Variants in ZWILCH observed in about 807,000 individuals in gnomAD.
ZWILCH encodes the protein protein zwilch homolog.
ZWILCH carries 74 observed loss-of-function variants against 79.9 expected under a neutral mutation model. The observed-to-expected ratio is 0.93, with a 90% CI of 0.77 to 1.12. The LOEUF (loss-of-function observed/expected upper bound fraction) is 1.12. Among genes scored for constraint, ZWILCH ranks in the 50% most tolerant of loss-of-function variants. The pLI, the probability that ZWILCH is intolerant of heterozygous loss-of-function variation, is 0.00. For synonymous variants in ZWILCH, 241 were observed against 228.2 expected, an observed-to-expected ratio of 1.06 and a Z score of -0.51; for missense variants, 694 against 687.5, an observed-to-expected ratio of 1.01 and a Z score of -0.11.
intron 9 of ZWILCH, among the ~76,000 whole-genome samples, 192 bp from the exon 10 acceptor site, chr15:66,527,665 C>A (rs1420526196): frequency 6.6e-6 from 1 of 152,172 alleles, no homozygotes; most frequent in East Asian, 1.9e-4. Flanking sequence ...AGGGGCTTTT[C>A]TGTTACCTCC....
chr15:66,544,724 T>TTGTGTGTGTGTGTGTGTGTGTGTG lies in ZWILCH; in HGVS notation c.1688-1855_1688-1832dup, dbSNP rs1555426547. Among the ~76,000 whole-genome samples the TTGTGTGTGTGTGTGTGTGTGTGTG allele has an allele frequency of 1.4e-3, 184 of 128,536 alleles. 3 individuals carry two copies. The highest frequency in any genetic ancestry group is 3.7e-3 in the African/African-American group (121 of 32,552). The allele number at this position is 128,536 out of a possible 152,430, so 84.3% of individuals were successfully genotyped here. On this transcript the variant is annotated intron_variant, in intron 17 of 18. Coordinates refer to ENST00000307897, the MANE Select transcript of ZWILCH (RefSeq NM_017975.5). The stretch of plus-strand genomic sequence containing the variant: ...TGTTTTTTTGTTGTTTTTTTGGTTT[T>TTGTGTGTGTGTGTGTGTGTGTGTG]TGTGTGTGTGTGTGTGTGTGTGTGT...
At chr15:66,543,911 T>C (rs1895270449) in intron 17 of ZWILCH, among the ~76,000 whole-genome samples, 1 of 152,230 alleles carries the variant, frequency 6.6e-6, no homozygotes, top group Admixed American at 6.5e-5. Flanking sequence ...TCTGTCTACA[T>C]CTATTGTTTT....
Position 66,548,559 on chromosome 15 carries a change from G to C in ZWILCH, c.*235G>C. On this transcript the variant is annotated 3_prime_UTR_variant, in exon 19 of 19. Coordinates refer to ENST00000307897, the MANE Select transcript of ZWILCH (RefSeq NM_017975.5). ...TGAGGACACAGAGGGAGCAGACAGTGGGTACCACGATCTCCGTAACCATTT... is the reference window on the plus strand; with the variant it reads ...TGAGGACACAGAGGGAGCAGACAGTCGGTACCACGATCTCCGTAACCATTT... 6.2e-7 allele frequency: 1 copy of C among 1,613,470 alleles called. No homozygotes were observed. Among genetic ancestry groups the C allele is most frequent in the Non-Finnish European group, 8.5e-7 (1 of 1,179,446 alleles).
intron 1 of ZWILCH, among the ~76,000 whole-genome samples, chr15:66,508,371 ACAGATGCTTC>A (rs1483479714): frequency 1.3e-5 from 2 of 152,240 alleles, no homozygotes. Flanking sequence ...AAAATGGAGG[ACAGATGCTTC>A]CATTTTAGCC....
intron 4 of ZWILCH, 66 bp from the exon 5 acceptor site, chr15:66,518,813 A>C: frequency 1.4e-6 from 2 of 1,472,014 alleles, no homozygotes; most frequent in Non-Finnish European, 1.9e-6. Context: ...CCTGTCTCTC[A>C]GAAATTAAAG....
chr15:66,524,846 A>G (rs983605762), intron 8 of ZWILCH, among the ~76,000 whole-genome samples: 9 of 152,024 alleles, frequency 5.9e-5, no homozygotes, highest in African/African-American at 1.9e-4. Flanking sequence ...CCCCTCTTTT[A>G]GGACCCTTAC....
chr15:66,526,707 C>G (rs1051750817), intron 8 of ZWILCH, among the ~76,000 whole-genome samples: 4 of 152,086 alleles, frequency 2.6e-5, no homozygotes, highest in African/African-American at 9.7e-5. Context: ...CATGATCCAC[C>G]CATCTCGGCC....
chr15:66,543,212 A>G (rs374238107), intron 17 of ZWILCH, among the ~76,000 whole-genome samples: 7 of 152,304 alleles, frequency 4.6e-5, no homozygotes, highest in Admixed American at 2.0e-4. Flanking sequence ...AAATAAATAA[A>G]TAAATAAATA....
chr15:66,514,889 G>A (rs766949392), intron 3 of ZWILCH, among the ~76,000 whole-genome samples: 7 of 152,142 alleles, frequency 4.6e-5, no homozygotes, highest in Non-Finnish European at 1.0e-4. Flanking sequence ...ATCCAAGAAC[G>A]TCTGGGTTTC....
chr15:66,540,573 T>C (rs1895161770), intron 17 of ZWILCH, among the ~76,000 whole-genome samples: 1 of 149,528 alleles, frequency 6.7e-6, no homozygotes. Context: ...AAAAAGAAAA[T>C]AAACTAAATC....
chr15:66,544,333 GTTAT>G (rs1314883190), intron 17 of ZWILCH, among the ~76,000 whole-genome samples: 1 of 152,066 alleles, frequency 6.6e-6, no homozygotes, highest in Non-Finnish European at 1.5e-5. Flanking sequence ...AAAAGAAAAT[GTTAT>G]TTATTTATTT....
Position 66,521,178 on chromosome 15 carries a change from C to T in ZWILCH, c.720C>T (p.Ile240=). The part of the protein sequence containing the change: ...SWSPVDEILQ[I]PPLSSTATLN... ...GTCCTGTGGATGAGATTCTTCAAAT[C>T]CCTCCACTCTCTTCAACTGCAACTC... is the stretch of plus-strand genomic sequence containing the variant. The change falls in exon 7 of 19, where the codon ATC becomes ATT. Residue 240 remains isoleucine, a synonymous_variant. Transcript: ENST00000307897. 1 of 1,612,956 alleles carries T rather than the reference C, an allele frequency of 6.2e-7. No homozygotes were observed. Among genetic ancestry groups the T allele is most frequent in the South Asian group, 1.1e-5 (1 of 91,080 alleles).
At position 66,537,271 on chromosome 15, in the gene ZWILCH, A is replaced by G. The variant is rs199821161; in HGVS notation, c.1574+8A>G. The G allele has an allele frequency of 2.2e-5, 36 of 1,608,026 alleles. No homozygotes were observed. In the Admixed American group the frequency reaches 3.8e-4, roughly 17 times the overall value. On this transcript the variant is annotated splice_region_variant and intron_variant, in intron 16 of 18. Transcript: ENST00000307897. The stretch of plus-strand genomic sequence containing the variant: ...AAAGAACTTATATCAAAGGTAAGCA[A>G]TTTTTGCTAGGCATGGTGGCTCATG...
chr15:66,517,430 G>GTGTGTATATATA lies in ZWILCH; in HGVS notation c.321-1448_321-1447insGTGTATATATAT. ...TGTTTGTGTGTGCGTGTGTGTGTGT[G>GTGTGTATATATA]TATATATATATATATATATATATAT... On this transcript the variant is annotated intron_variant, in intron 4 of 18. Transcript: ENST00000307897. Among the ~76,000 whole-genome samples, 385 of 66,494 alleles carry GTGTGTATATATA rather than the reference G, an allele frequency of 5.8e-3. 10 individuals are homozygous for GTGTGTATATATA. The highest frequency in any genetic ancestry group is 0.022 in the African/African-American group (354 of 16,312). The allele number at this position is 66,494 out of a possible 152,430, so 43.6% of individuals were successfully genotyped here. A position where few individuals can be genotyped will look rare whatever the true frequency, so the allele number is the denominator to read the frequency against.
In ZWILCH at chr15:66,540,079, C is replaced by T. The variant is rs369771839; in HGVS notation, c.1575-19C>T. ...CTGTTTTTGAAAATTTTTCTTTTGTCGTTTTATTCTTTCCTTAGTGAGAAG... is the reference window on the plus strand; with the variant it reads ...CTGTTTTTGAAAATTTTTCTTTTGTTGTTTTATTCTTTCCTTAGTGAGAAG... On this transcript the variant is annotated intron_variant, in intron 16 of 18. Coordinates refer to ENST00000307897, the MANE Select transcript of ZWILCH (RefSeq NM_017975.5). 355 of 1,572,776 alleles carry T rather than the reference C, an allele frequency of 2.3e-4. No homozygotes were observed. The highest frequency in any genetic ancestry group is 2.9e-4 in the Non-Finnish European group (330 of 1,156,884).
intron 18 of ZWILCH, 108 bp from the exon 19 acceptor site, chr15:66,548,243 T>C: frequency 3.3e-6 from 1 of 300,552 alleles, no homozygotes; most frequent in Non-Finnish European, 6.2e-6. Flanking sequence ...ATAATATACA[T>C]TCATTATATA....
chr15:66,546,762 G>A (rs1302572586), intron 18 of ZWILCH, 57 bp downstream of exon 18: 10 of 901,040 alleles, frequency 1.1e-5, no homozygotes, highest in African/African-American at 6.7e-5. Context: ...AGTACCTTAC[G>A]TTTAGTTCTT....
In ZWILCH at chr15:66,546,686, C is replaced by T; in HGVS notation, c.*7C>T. ...CCAGGTGCATTTCAAGTGAAGTGTG[C>T]TGATGAAGTCCTCTATAAGGTATTT... On this transcript the variant is annotated 3_prime_UTR_variant, in exon 18 of 19. Coordinates refer to ENST00000307897, the MANE Select transcript of ZWILCH (RefSeq NM_017975.5). The T allele has an allele frequency of 6.3e-7, 1 of 1,591,036 alleles. No individual in the cohort carries two copies. Among genetic ancestry groups the T allele is most frequent in the Non-Finnish European group, 8.6e-7 (1 of 1,165,956 alleles).
intron 7 of ZWILCH, among the ~76,000 whole-genome samples, chr15:66,521,874 T>G (rs1894506499): frequency 2.6e-5 from 4 of 152,138 alleles, no homozygotes; most frequent in African/African-American, 7.2e-5. Context: ...TTTCACTCTG[T>G]ATTTACATTT....
Sources: gnomAD v4.1 joint callset for allele counts (sites outside exome capture counted in the v4.1 genomes callset) on GRCh38, gnomAD v4.1.1 for gene constraint, MANE v1.5 for transcripts, NCBI Gene and HGNC (gene_info 2026-07-23, HGNC 2026-07-21) for gene names.